The following CNTN5 variants were observed in gnomAD, a reference collection of about 807,000 sequenced individuals.
CNTN5 encodes contactin-5.
CNTN5 carries 77 observed loss-of-function variants against 129.1 expected under a neutral mutation model. That is an observed-to-expected ratio of 0.60 (90% confidence interval 0.50 to 0.72). CNTN5 has a LOEUF of 0.72. CNTN5 is among the 30% of genes least tolerant of loss of function. CNTN5 has a pLI of 0.00. For missense variants in CNTN5, 1,478 were observed against 1,328.8 expected (o/e 1.11, Z -1.75); for synonymous variants, 509 against 465.6 (o/e 1.09, Z -1.20).
intron 2 of CNTN5, among the ~76,000 whole-genome samples, chr11:99,437,388 A>T (rs545997283): frequency 2.0e-4 from 31 of 152,312 alleles, no homozygotes; most frequent in African/African-American, 7.5e-4. Context: ...CTTAATAAAT[A>T]TATATTTTAT....
At chr11:100,045,230 G>T (rs1942605637) in intron 9 of CNTN5, among the ~76,000 whole-genome samples, 1 of 152,054 alleles carries the variant, frequency 6.6e-6, no homozygotes, top group South Asian at 2.1e-4. Context: ...AAATGGTTAG[G>T]CAGAAGCCAG....
chr11:99,225,583 G>C (rs1860640887), intron 1 of CNTN5, among the ~76,000 whole-genome samples: 1 of 152,058 alleles, frequency 6.6e-6, no homozygotes, highest in African/African-American at 2.4e-5. Context: ...GCTTTTGACT[G>C]ACCAGGACTT....
At chr11:99,093,720 T>C (rs1866349331) in intron 1 of CNTN5, among the ~76,000 whole-genome samples, 1 of 152,036 alleles carries the variant, frequency 6.6e-6, no homozygotes, top group Non-Finnish European at 1.5e-5. Context: ...CCTGAGTTTA[T>C]AGCCCTTTAC....
intron 15 of CNTN5, among the ~76,000 whole-genome samples, chr11:100,214,420 C>T (rs929944786): frequency 9.9e-5 from 15 of 152,142 alleles, no homozygotes; most frequent in Admixed American, 1.3e-4. Flanking sequence ...CTTTACAACT[C>T]ATCTCCCTAA....
At chr11:99,792,684 A>G (rs902096508) in intron 3 of CNTN5, among the ~76,000 whole-genome samples, 12 of 151,910 alleles carry the variant, frequency 7.9e-5, no homozygotes, top group Non-Finnish European at 1.8e-4. Flanking sequence ...GAGTAGTTTC[A>G]TTGGAATGGT....
intron 3 of CNTN5, among the ~76,000 whole-genome samples, chr11:99,661,560 C>T (rs1182960152): frequency 2.0e-5 from 3 of 151,666 alleles, no homozygotes; most frequent in African/African-American, 4.8e-5. Context: ...TATGTGTGTA[C>T]GATGTGCATG....
At chr11:99,512,087 T>C (rs981722643) in intron 2 of CNTN5, among the ~76,000 whole-genome samples, 2 of 152,116 alleles carry the variant, frequency 1.3e-5, no homozygotes, top group Admixed American at 6.6e-5. Context: ...TACAGTAATG[T>C]CCTAGGGCTT....
intron 13 of CNTN5, among the ~76,000 whole-genome samples, chr11:100,114,043 T>C (rs146096539): frequency 2.6e-5 from 4 of 152,090 alleles, no homozygotes; most frequent in African/African-American, 9.6e-5. Context: ...CTGCCATCCA[T>C]GTAAGTATCT....
chr11:99,277,605 T>TA (rs1415952605), intron 1 of CNTN5, among the ~76,000 whole-genome samples: 1 of 151,784 alleles, frequency 6.6e-6, no homozygotes, highest in Non-Finnish European at 1.5e-5. Context: ...TTTCTTTTTT[T>TA]ATCCTCTCAT....
chr11:99,351,995 G>C (rs1395447435), intron 2 of CNTN5, among the ~76,000 whole-genome samples: 2 of 152,202 alleles, frequency 1.3e-5, no homozygotes, highest in African/African-American at 2.4e-5. Context: ...GAAATATAAA[G>C]CAGATGACAT....
In CNTN5 at chr11:99,610,421, G is replaced by A. The variant is rs138877248; in HGVS notation, c.55+54152G>A. On this transcript the variant is annotated intron_variant, in intron 3 of 24. Coordinates refer to ENST00000524871, the MANE Select transcript of CNTN5 (RefSeq NM_014361.4). ...AGACATAACATGATGAGAAATAATG[G>A]GATCCAAATGATGAATTTATGGAGG... is the stretch of plus-strand genomic sequence containing the variant. Among the ~76,000 whole-genome samples, 1,396 of 152,156 alleles carry A rather than the reference G, an allele frequency of 9.2e-3. 23 individuals are homozygous for A. The highest frequency in any genetic ancestry group is 0.032 in the African/African-American group (1,330 of 41,526).
In CNTN5 at chr11:99,708,765, C is replaced by T. The variant is rs571698477; in HGVS notation, c.56-110779C>T. Reference sequence around the variant, plus strand: ...TCTGCCAGAGACACCAACATTCTTACACTCAATGGGGCTGAAAATCCTAGA... The same window carrying T: ...TCTGCCAGAGACACCAACATTCTTATACTCAATGGGGCTGAAAATCCTAGA... On this transcript the variant is annotated intron_variant, in intron 3 of 24. Transcript: ENST00000524871. Among the ~76,000 whole-genome samples, 8 of 151,810 alleles carry T rather than the reference C, an allele frequency of 5.3e-5. No individual in the cohort carries two copies. In the South Asian group the frequency reaches 1.7e-3, roughly 31 times the overall value.
At chr11:99,174,473 C>G (rs925643744) in intron 1 of CNTN5, among the ~76,000 whole-genome samples, 4 of 152,152 alleles carry the variant, frequency 2.6e-5, no homozygotes, top group Non-Finnish European at 4.4e-5. Context: ...TTCTTCCTAG[C>G]CTTTCAGAGT....
Position 99,800,279 on chromosome 11 carries a change from T to C in CNTN5, c.56-19265T>C, listed in dbSNP as rs141598967. ...TTGGTTTTGAGAGGACTTCTTGGTATTGATTTCTATTTTTATTCTGTTCTC... is the reference window on the plus strand; with the variant it reads ...TTGGTTTTGAGAGGACTTCTTGGTACTGATTTCTATTTTTATTCTGTTCTC... On this transcript the variant is annotated intron_variant, in intron 3 of 24. Coordinates refer to ENST00000524871, the MANE Select transcript of CNTN5 (RefSeq NM_014361.4). 2.5e-3 allele frequency among the ~76,000 whole-genome samples: 386 copies of C among 152,200 alleles called. 2 individuals carry two copies. Among genetic ancestry groups the C allele is most frequent in the African/African-American group, 9.0e-3 (373 of 41,558 alleles).
chr11:99,381,238 G>C (rs1462379873), intron 2 of CNTN5, among the ~76,000 whole-genome samples: 1 of 152,162 alleles, frequency 6.6e-6, no homozygotes, highest in Non-Finnish European at 1.5e-5. Context: ...ACAGGGACAA[G>C]AGGATCATTA....
intron 13 of CNTN5, among the ~76,000 whole-genome samples, chr11:100,096,092 C>G (rs1477954907): frequency 2.0e-5 from 3 of 152,028 alleles, no homozygotes; most frequent in Non-Finnish European, 4.4e-5. Context: ...TTAGAAGGAT[C>G]CTTTGCTTGC....
chr11:100,224,970 T>C, intron 16 of CNTN5, 158 bp downstream of exon 16: 1 of 663,036 alleles, frequency 1.5e-6, no homozygotes, highest in South Asian at 4.5e-5. Context: ...TTTGAAAAAA[T>C]TACATGGAAA....
intron 20 of CNTN5, among the ~76,000 whole-genome samples, chr11:100,303,333 G>T (rs1412823618): frequency 1.3e-5 from 2 of 151,330 alleles, no homozygotes; most frequent in East Asian, 3.9e-4. Flanking sequence ...TTCTCAAAAT[G>T]CATGGTAAAA....
At chr11:100,184,421 C>T (rs953331242) in intron 13 of CNTN5, among the ~76,000 whole-genome samples, 5 of 152,126 alleles carry the variant, frequency 3.3e-5, no homozygotes, top group African/African-American at 1.2e-4. Flanking sequence ...ATAATGTCCA[C>T]CCTGATATGA....
Sources: allele counts gnomAD v4.1 joint callset (sites outside exome capture counted in the v4.1 genomes callset), GRCh38; gene constraint gnomAD v4.1.1; transcripts MANE v1.5; gene names NCBI Gene and HGNC (gene_info 2026-07-23, HGNC 2026-07-21).